The following SNTG2 variants were observed in gnomAD, a reference collection of about 807,000 sequenced individuals.
SNTG2 encodes the protein syntrophin gamma 2.
A neutral mutation model predicts 70.9 loss-of-function variants in SNTG2; 74 were observed. The ratio of observed to expected loss-of-function variants is 1.04; its 90% CI spans 0.86 to 1.27. The LOEUF is 1.27. SNTG2 is among the 50% of genes most tolerant of loss of function. The pLI is 0.00. For missense variants in SNTG2, 717 were observed against 690.7 expected (o/e 1.04, Z -0.43); for synonymous variants, 278 against 273.8 (o/e 1.02, Z -0.15).
At chr2:1,090,280 AT>A (rs1377407459) in intron 2 of SNTG2, among the ~76,000 whole-genome samples, 3 of 152,288 alleles carry the variant, frequency 2.0e-5, no homozygotes. Context: ...CACAAGAAAA[AT>A]TTATATTTTC....
At chr2:1,168,806 A>C (rs1670926932) in intron 7 of SNTG2, among the ~76,000 whole-genome samples, 1 of 152,158 alleles carries the variant, frequency 6.6e-6, no homozygotes, top group Admixed American at 6.5e-5. Flanking sequence ...GAAGACCTAG[A>C]GGGTTCTTGA....
At chr2:1,198,345 A>G (rs1410764579) in intron 8 of SNTG2, among the ~76,000 whole-genome samples, 1 of 152,160 alleles carries the variant, frequency 6.6e-6, no homozygotes, top group African/African-American at 2.4e-5. Context: ...TATAGGATAT[A>G]GCAAAAACAA....
chr2:1,129,014 A>C (rs1667867061), intron 4 of SNTG2, among the ~76,000 whole-genome samples: 1 of 152,198 alleles, frequency 6.6e-6, no homozygotes, highest in Non-Finnish European at 1.5e-5. Flanking sequence ...ATAAGTGTCT[A>C]GCCTTTCCAT....
At chr2:1,358,060 CT>C (rs537326118) in intron 16 of SNTG2, among the ~76,000 whole-genome samples, 43 of 152,178 alleles carry the variant, frequency 2.8e-4, no homozygotes, top group African/African-American at 9.4e-4. Context: ...CAGATGTTCA[CT>C]TTTTTTCTGT....
chr2:1,238,155 C>G (rs1206582587), intron 10 of SNTG2, 138 bp downstream of exon 10: 1 of 1,174,404 alleles, frequency 8.5e-7, no homozygotes, highest in African/African-American at 1.5e-5. Flanking sequence ...AAATCTATGT[C>G]TAAAAACATT....
chr2:1,228,781 G>C (rs1357207275), intron 9 of SNTG2, among the ~76,000 whole-genome samples: 1 of 152,230 alleles, frequency 6.6e-6, no homozygotes, highest in Non-Finnish European at 1.5e-5. Flanking sequence ...CTGACTTCAA[G>C]AACGAAGCCG....
intron 2 of SNTG2, among the ~76,000 whole-genome samples, chr2:1,090,028 C>G (rs1260644960): frequency 6.6e-6 from 1 of 152,166 alleles, no homozygotes; most frequent in Non-Finnish European, 1.5e-5. Context: ...TAAATTCTTC[C>G]TTCATACGCA....
chr2:1,295,722 A>G (rs1410637160), intron 14 of SNTG2, among the ~76,000 whole-genome samples: 24 of 121,388 alleles, frequency 2.0e-4, no homozygotes, highest in East Asian at 4.9e-4. Context: ...GGGAGGGAGG[A>G]GCAGGCAGAC....
chr2:1,192,617 CTGGT>C (rs1345608514), intron 8 of SNTG2, among the ~76,000 whole-genome samples: 1 of 152,068 alleles, frequency 6.6e-6, no homozygotes, highest in Non-Finnish European at 1.5e-5. Flanking sequence ...TCATCATCAT[CTGGT>C]TGGAACAATG....
chr2:959,470 T>C (rs1660279868), intron 1 of SNTG2, among the ~76,000 whole-genome samples: 1 of 152,032 alleles, frequency 6.6e-6, no homozygotes, highest in Non-Finnish European at 1.5e-5. Context: ...GTAATTTCCA[T>C]GTTGGCAGGA....
chr2:1,287,822 C>G (rs547911302), intron 14 of SNTG2, among the ~76,000 whole-genome samples: 1 of 152,194 alleles, frequency 6.6e-6, no homozygotes, highest in Admixed American at 6.5e-5. Flanking sequence ...AAATAAGATG[C>G]GTCCTTTTCC....
In SNTG2 at chr2:1,316,251, T is replaced by G. The variant is rs1681273834; in HGVS notation, c.1378-14T>G. 2 of 1,348,072 alleles carry G rather than the reference T, an allele frequency of 1.5e-6. No homozygotes were observed. Among genetic ancestry groups the G allele is most frequent in the Non-Finnish European group, 2.1e-6 (2 of 970,796 alleles). 83.5% of individuals were successfully genotyped at this position (1,348,072 alleles called of 1,614,324 possible). ...CTTGTTTAGAAATCGCTAATTAATT[T>G]TATTCCTTTACAGAATGTGCTCTGG... On this transcript the variant is annotated splice_polypyrimidine_tract_variant and intron_variant, in intron 15 of 16. Coordinates refer to ENST00000308624, the MANE Select transcript of SNTG2 (RefSeq NM_018968.4).
At chr2:1,173,277 C>T in intron 8 of SNTG2, 94 bp downstream of exon 8, 1 of 1,114,786 alleles carries the variant, frequency 9.0e-7, no homozygotes, top group Non-Finnish European at 1.3e-6. Context: ...TGCTGTACTG[C>T]CCAGTGAAGA....
chr2:1,005,824 TA>T (rs753119358), intron 1 of SNTG2, among the ~76,000 whole-genome samples: 52,317 of 81,446 alleles, frequency 0.64, 14,797 homozygotes, highest in Middle Eastern at 0.72. Context: ...TATATATATA[TA>T]TATATATATA....
At chr2:1,222,130 T>TCTCTGTCTCTCTCTGG (rs1675238383) in intron 9 of SNTG2, among the ~76,000 whole-genome samples, 1 of 107,938 alleles carries the variant, frequency 9.3e-6, no homozygotes, top group Non-Finnish European at 2.0e-5. Flanking sequence ...TCTCTGTCTC[T>TCTCTGTCTCTCTCTGG]CTCTGTCTCT....
chr2:1,311,592 G>A (rs1036830779), intron 15 of SNTG2, among the ~76,000 whole-genome samples: 1 of 152,090 alleles, frequency 6.6e-6, no homozygotes, highest in Non-Finnish European at 1.5e-5. Flanking sequence ...GTAGGCTTTC[G>A]ATTATTTGTA....
intron 11 of SNTG2, among the ~76,000 whole-genome samples, chr2:1,245,585 C>G (rs143569727): frequency 6.6e-6 from 1 of 152,334 alleles, no homozygotes; most frequent in Non-Finnish European, 1.5e-5. Flanking sequence ...ATGGAAACAT[C>G]AAGCATCTGC....
intron 1 of SNTG2, among the ~76,000 whole-genome samples, chr2:1,053,332 A>C (rs1002855188): frequency 8.5e-5 from 13 of 152,218 alleles, no homozygotes; most frequent in Admixed American, 7.9e-4. Flanking sequence ...TGAAGATGAA[A>C]GTTATTTTGG....
At chr2:1,057,018 CTGTGCTGCGGGGAACGATGCA>C (rs1228735816) in intron 1 of SNTG2, among the ~76,000 whole-genome samples, 4 of 151,560 alleles carry the variant, frequency 2.6e-5, no homozygotes, top group Non-Finnish European at 5.9e-5. Flanking sequence ...CGGCGCAGCG[CTGTGCTGCGGGGAACGATGCA>C]TGCCGCTTCC....
Sources: gnomAD v4.1 joint callset for allele counts (sites outside exome capture counted in the v4.1 genomes callset) on GRCh38, gnomAD v4.1.1 for gene constraint, MANE v1.5 for transcripts, NCBI Gene and HGNC (gene_info 2026-07-23, HGNC 2026-07-21) for gene names.